PARP4: variants seen among roughly 807,000 people sequenced by gnomAD.
PARP4 encodes protein mono-ADP-ribosyltransferase PARP4.
In PARP4, 120 loss-of-function variants were observed where a neutral mutation model predicts 187.7. That is an observed-to-expected ratio of 0.64 (90% CI 0.55 to 0.74). The LOEUF is 0.74. Among genes scored for constraint, PARP4 ranks in the 30% least tolerant of loss-of-function variants. The pLI is 0.00. For synonymous variants in PARP4, 654 were observed against 740.9 expected (o/e 0.88, Z 1.90); for missense variants, 1,836 against 2,070.5 (o/e 0.89, Z 2.20).
chr13:24,484,590 A>G (rs758770470), intron 12 of PARP4, 63 bp downstream of exon 12: 1 of 1,113,960 alleles, frequency 9.0e-7, no homozygotes, highest in South Asian at 1.3e-5. Context: ...TCACCAAGGA[A>G]AGACAGAAGA....
At chr13:24,424,876 G>C (rs1283478454) in intron 33 of PARP4, among the ~76,000 whole-genome samples, 2 of 151,424 alleles carry the variant, frequency 1.3e-5, no homozygotes, top group Non-Finnish European at 2.9e-5. Context: ...GTAGAGACAG[G>C]GTTTCACCAT....
rs1432320520 is a variant in PARP4, at chr13:24,490,703, G to A, written c.1179C>T (p.Leu393=). The part of the protein sequence containing the change: ...EHVEQNTEEF[L]RVRKEVLQNH... Reference sequence around the variant, plus strand: ...TCTGCAAAACCTCTTTTCTAACCCTGAGAAATTCTTCAGTATTCTGTTCAA... The same window carrying A: ...TCTGCAAAACCTCTTTTCTAACCCTAAGAAATTCTTCAGTATTCTGTTCAA... The change falls in exon 10 of 34, where the codon CTC becomes CTT. Residue 393 remains leucine, a synonymous_variant. Transcript: ENST00000381989. The A allele has an allele frequency of 2.5e-6, 4 of 1,613,804 alleles. No individual in the cohort carries two copies. Among genetic ancestry groups the A allele is most frequent in the South Asian group, 2.2e-5 (2 of 91,034 alleles).
intron 9 of PARP4, among the ~76,000 whole-genome samples, chr13:24,491,122 A>T (rs1323393576): frequency 8.0e-5 from 11 of 138,142 alleles, no homozygotes; most frequent in African/African-American, 2.4e-4. Context: ...CATGACTGAC[A>T]TTTTTTTTTT....
intron 28 of PARP4, among the ~76,000 whole-genome samples, chr13:24,443,195 C>CCAGTA (rs1871033757): frequency 7.1e-6 from 1 of 141,034 alleles, no homozygotes; most frequent in African/African-American, 2.8e-5. Context: ...GCTGGGCAGT[C>CCAGTA]CCGGTGGCCT....
In PARP4 at chr13:24,435,095, C is replaced by A; in HGVS notation, c.4046G>T (p.Ser1349Ile). The part of the protein sequence containing the change: ...LSFASYRQVA[S>I]FGSAAPPRQF... ...TCTGGGAGGAGCAGCTGAACCGAAA[C>A]TAGCTACCTGACGATATGAGGCAAA... The change falls in exon 31 of 34, where the codon AGT (serine) becomes ATT (isoleucine). Residue 1349 changes from serine (S) to isoleucine (I), a missense_variant. Ser to Ile is a moderately radical substitution (Grantham distance 142, BLOSUM62 -2). Coordinates refer to ENST00000381989, the MANE Select transcript of PARP4 (RefSeq NM_006437.4). 1 of 1,614,176 alleles carries A rather than the reference C, an allele frequency of 6.2e-7. No homozygotes were observed. Among genetic ancestry groups the A allele is most frequent in the Non-Finnish European group, 8.5e-7 (1 of 1,180,038 alleles).
intron 1 of PARP4, among the ~76,000 whole-genome samples, chr13:24,507,408 GCCTC>G (rs1004039084): frequency 5.3e-5 from 8 of 152,180 alleles, no homozygotes; most frequent in Non-Finnish European, 7.4e-5. Context: ...CAGTGCCACT[GCCTC>G]CCTGACACCT....
In PARP4 at chr13:24,470,042, A is replaced by G. The variant is rs535164620; in HGVS notation, c.1915-17T>C. 20 of 1,608,596 alleles carry G rather than the reference A, an allele frequency of 1.2e-5. No individual in the cohort carries two copies. In the African/African-American group the frequency reaches 1.9e-4, roughly 15 times the overall value. ...AACAATGACCTGAAGAAGAAAAAAA[A>G]TCCATACAATTGATGAGACCACATG... On this transcript the variant is annotated splice_polypyrimidine_tract_variant and intron_variant, in intron 15 of 33. Coordinates refer to ENST00000381989, the MANE Select transcript of PARP4 (RefSeq NM_006437.4).
intron 25 of PARP4, 111 bp downstream of exon 25, chr13:24,449,607 C>G: frequency 3.1e-6 from 2 of 651,004 alleles, no homozygotes; most frequent in South Asian, 3.7e-5. Context: ...GTGCTTGCCT[C>G]TTTACGGCTC....
At chr13:24,510,968 G>T (rs192914215) in intron 1 of PARP4, among the ~76,000 whole-genome samples, 166 of 125,158 alleles carry the variant, frequency 1.3e-3, no homozygotes, top group Non-Finnish European at 2.0e-3. Flanking sequence ...GCTAATTTTG[G>T]TAGAGACAGG....
chr13:24,449,214 C>T (rs1487192058), intron 25 of PARP4, among the ~76,000 whole-genome samples: 4 of 151,890 alleles, frequency 2.6e-5, no homozygotes, highest in East Asian at 3.9e-4. Context: ...CAGTGAAACC[C>T]CATCTCTACT....
chr13:24,448,006 G>C (rs991483584), intron 25 of PARP4, among the ~76,000 whole-genome samples: 1 of 152,138 alleles, frequency 6.6e-6, no homozygotes, highest in African/African-American at 2.4e-5. Context: ...TGGGATTCGA[G>C]ACCAGCCTAG....
intron 17 of PARP4, among the ~76,000 whole-genome samples, chr13:24,461,394 G>A (rs2137485730): frequency 6.6e-6 from 1 of 152,278 alleles, no homozygotes; most frequent in Admixed American, 6.5e-5. Context: ...GGATATAGGT[G>A]GATGCAGAAA....
intron 20 of PARP4, 63 bp from the exon 21 acceptor site, chr13:24,456,541 A>G: frequency 6.7e-7 from 1 of 1,481,704 alleles, no homozygotes. Context: ...AGCAGTCTGC[A>G]CTTACCTGTC....
Position 24,468,940 on chromosome 13 carries a change from T to C in PARP4, c.2133+84A>G, listed in dbSNP as rs116500335. ...TACAACAGTGCAAATTATCTTAGCC[T>C]CTAGCATGAAATTCGTATTTCATAT... On this transcript the variant is annotated intron_variant, in intron 17 of 33. Transcript: ENST00000381989. 5,664 of 1,028,654 alleles carry C rather than the reference T, an allele frequency of 5.5e-3. 123 individuals are homozygous for C. Among genetic ancestry groups the C allele is most frequent in the African/African-American group, 0.051 (3,257 of 63,316 alleles). 63.7% of individuals were successfully genotyped at this position (1,028,654 alleles called of 1,614,324 possible).
intron 17 of PARP4, among the ~76,000 whole-genome samples, chr13:24,464,074 G>T (rs1872335135): frequency 6.6e-6 from 1 of 152,084 alleles, no homozygotes; most frequent in Non-Finnish European, 1.5e-5. Context: ...AAAATACATA[G>T]GAATACAGCT....
intron 15 of PARP4, among the ~76,000 whole-genome samples, chr13:24,474,639 C>T (rs1184013398): frequency 2.6e-5 from 4 of 151,744 alleles, no homozygotes; most frequent in African/African-American, 9.7e-5. Context: ...AGGTGCGGCT[C>T]CCGCAGGCAC....
rs1185345589 is a variant in PARP4, at chr13:24,501,881, T to C, written c.133-47A>G. 5 of 1,051,898 alleles carry C rather than the reference T, an allele frequency of 4.8e-6. No individual in the cohort carries two copies. The East Asian group carries it at 9.5e-5, about 20-fold the overall frequency. 65.2% of individuals were successfully genotyped at this position (1,051,898 alleles called of 1,614,324 possible). On this transcript the variant is annotated intron_variant, in intron 2 of 33. Coordinates refer to ENST00000381989, the MANE Select transcript of PARP4 (RefSeq NM_006437.4). ...CCATTATGCATCAAGAAAAACAACA[T>C]TTAAATAAGATATTTGTATCTGTAA...
intron 31 of PARP4, among the ~76,000 whole-genome samples, chr13:24,432,681 TG>T (rs1870404442): frequency 6.6e-6 from 1 of 152,196 alleles, no homozygotes; most frequent in Admixed American, 6.5e-5. Context: ...AACATAAAAA[TG>T]TACCCTGATG....
intron 27 of PARP4, among the ~76,000 whole-genome samples, chr13:24,445,093 C>A (rs931346406): frequency 6.6e-6 from 1 of 152,188 alleles, no homozygotes; most frequent in Non-Finnish European, 1.5e-5. Flanking sequence ...CAATCCTACC[C>A]GCCTCTGTAC....
Sources: allele counts gnomAD v4.1 joint callset (sites outside exome capture counted in the v4.1 genomes callset), GRCh38; gene constraint gnomAD v4.1.1; transcripts MANE v1.5; gene names NCBI Gene and HGNC (gene_info 2026-07-23, HGNC 2026-07-21).